The following BCL9 variants were observed in gnomAD, a reference collection of about 807,000 sequenced individuals.
BCL9 encodes BCL9 transcription coactivator, also known as B-cell CLL/lymphoma 9 protein.
BCL9 carries 25 observed loss-of-function variants against 88.5 expected under a neutral mutation model. That is an observed-to-expected ratio of 0.28 (90% CI 0.21 to 0.39). The LOEUF (loss-of-function observed/expected upper bound fraction) is 0.39, where lower values mean the gene tolerates loss of function less well. BCL9 is among the 10% of genes least tolerant of loss of function. The probability of loss-of-function intolerance (pLI) is 1.00; values close to 1 mark genes in which losing one functional copy is unlikely to be tolerated. For synonymous variants in BCL9, 711 were observed against 673.3 expected (o/e 1.06, Z -0.87); for missense variants, 1,817 against 1,877.8 (o/e 0.97, Z 0.60).
At chr1:147,621,924 G>C (rs587652005) in intron 8 of BCL9, among the ~76,000 whole-genome samples, 1 of 152,310 alleles carries the variant, frequency 6.6e-6, no homozygotes, top group East Asian at 1.9e-4. Context: ...ATTCTAAACT[G>C]TGATTGGCAA....
At chr1:147,603,851 G>C (rs1489693693) in intron 1 of BCL9, among the ~76,000 whole-genome samples, 1 of 151,850 alleles carries the variant, frequency 6.6e-6, no homozygotes, top group Non-Finnish European at 1.5e-5. Context: ...GTGCTCCTTT[G>C]GCAATCTAGT....
chr1:147,622,808 TTTTCTC>T (rs2101625174), intron 9 of BCL9, among the ~76,000 whole-genome samples: 1 of 152,282 alleles, frequency 6.6e-6, no homozygotes, highest in African/African-American at 2.4e-5. Context: ...TTGTTTTTGT[TTTTCTC>T]TTTGGGTCCT....
At chr1:147,545,717 T>C (rs1229747292) in intron 1 of BCL9, among the ~76,000 whole-genome samples, 3 of 152,122 alleles carry the variant, frequency 2.0e-5, no homozygotes, top group Admixed American at 2.0e-4. Context: ...GATTTTGTAG[T>C]TTTTCTACTC....
intron 1 of BCL9, among the ~76,000 whole-genome samples, chr1:147,603,415 T>C (rs1207619376): frequency 1.3e-5 from 2 of 152,226 alleles, no homozygotes; most frequent in African/African-American, 4.8e-5. Flanking sequence ...GGCAGCTTAA[T>C]TTTCTTCAGC....
At chr1:147,598,168 C>T (rs1366168761) in intron 1 of BCL9, among the ~76,000 whole-genome samples, 1 of 152,190 alleles carries the variant, frequency 6.6e-6, no homozygotes, top group Non-Finnish European at 1.5e-5. Flanking sequence ...TCCGTAAGTC[C>T]ATACCTGACT....
intron 1 of BCL9, among the ~76,000 whole-genome samples, chr1:147,573,754 A>G (rs1252322255): frequency 6.6e-6 from 1 of 152,186 alleles, no homozygotes; most frequent in East Asian, 1.9e-4. Context: ...GGTTCACTAT[A>G]TGCAGTGAAT....
At chr1:147,618,777 A>G (rs1190365293) in intron 7 of BCL9, 39 bp from the exon 8 acceptor site, 2 of 1,476,464 alleles carry the variant, frequency 1.4e-6, no homozygotes, top group Non-Finnish European at 1.8e-6. Flanking sequence ...CCTTCTGTTC[A>G]GTTTACTAAT....
At chr1:147,544,592 C>T (rs587686914) in intron 1 of BCL9, among the ~76,000 whole-genome samples, 2 of 152,270 alleles carry the variant, frequency 1.3e-5, no homozygotes, top group South Asian at 4.2e-4. Context: ...CTGATTCCAT[C>T]GTTCTTCCAG....
At chr1:147,622,168 T>G (rs1658680873) in intron 8 of BCL9, 103 bp from the exon 9 acceptor site, 1 of 1,447,070 alleles carries the variant, frequency 6.9e-7, no homozygotes, top group African/African-American at 1.4e-5. Context: ...GTCCTGTTCA[T>G]CTGTCTCATT....
At chr1:147,597,426 A>C (rs1370745328) in intron 1 of BCL9, among the ~76,000 whole-genome samples, 3 of 152,212 alleles carry the variant, frequency 2.0e-5, no homozygotes, top group Non-Finnish European at 4.4e-5. Flanking sequence ...TTTAGCATCA[A>C]AATCCTTTAT....
At chr1:147,554,740 G>T (rs1430703465) in intron 1 of BCL9, among the ~76,000 whole-genome samples, 16 of 152,138 alleles carry the variant, frequency 1.1e-4, no homozygotes, top group Admixed American at 9.8e-4. Context: ...ACTTCTATGA[G>T]ACCTAGTTTC....
intron 1 of BCL9, among the ~76,000 whole-genome samples, chr1:147,552,123 G>A (rs1358620869): frequency 1.3e-5 from 2 of 152,156 alleles, no homozygotes; most frequent in African/African-American, 4.8e-5. Flanking sequence ...GTAGTCACGG[G>A]AGAGAACAAT....
intron 1 of BCL9, among the ~76,000 whole-genome samples, chr1:147,549,140 C>A (rs1553194555): frequency 6.6e-6 from 1 of 151,894 alleles, no homozygotes; most frequent in South Asian, 2.1e-4. Flanking sequence ...TGACACCCAG[C>A]TAATTTTTGT....
At chr1:147,548,760 T>C (rs587707505) in intron 1 of BCL9, among the ~76,000 whole-genome samples, 1 of 152,194 alleles carries the variant, frequency 6.6e-6, no homozygotes, top group South Asian at 2.1e-4. Context: ...GGAGAATTGC[T>C]TGAGACCAGC....
intron 7 of BCL9, among the ~76,000 whole-genome samples, chr1:147,617,840 A>G (rs1394535164): frequency 6.6e-6 from 1 of 152,182 alleles, no homozygotes; most frequent in African/African-American, 2.4e-5. Context: ...TCTCTGAGAC[A>G]GGGTTTGTAG....
At chr1:147,577,870 G>GTGTGTGTGTGTGTGTT (rs1318682168) in intron 1 of BCL9, among the ~76,000 whole-genome samples, 5 of 150,958 alleles carry the variant, frequency 3.3e-5, no homozygotes, top group Admixed American at 6.6e-5. Context: ...GTGTGTGTGT[G>GTGTGTGTGTGTGTGTT]TATAAATGTC....
chr1:147,548,688 G>C (rs1437623807), intron 1 of BCL9, among the ~76,000 whole-genome samples: 1 of 152,124 alleles, frequency 6.6e-6, no homozygotes, highest in Non-Finnish European at 1.5e-5. Context: ...TGAATAAACA[G>C]TTCACATTGA....
chr1:147,555,542 A>G (rs1038867076), intron 1 of BCL9, among the ~76,000 whole-genome samples: 1 of 152,256 alleles, frequency 6.6e-6, no homozygotes, highest in Admixed American at 6.5e-5. Context: ...CAGGAATCAT[A>G]CCAAATGATG....
At chr1:147,599,743 G>A (rs1034680630) in intron 1 of BCL9, among the ~76,000 whole-genome samples, 3 of 151,976 alleles carry the variant, frequency 2.0e-5, no homozygotes, top group Non-Finnish European at 2.9e-5. Context: ...AGGAGGTGGT[G>A]CCGGCGGTGG....
Sources: gnomAD v4.1 joint callset for allele counts (sites outside exome capture counted in the v4.1 genomes callset) on GRCh38, gnomAD v4.1.1 for gene constraint, MANE v1.5 for transcripts, NCBI Gene and HGNC (gene_info 2026-07-23, HGNC 2026-07-21) for gene names.